The following RASSF8 variants were observed in gnomAD, a reference collection of about 807,000 sequenced individuals.
The protein encoded by RASSF8 is ras association domain-containing protein 8.
RASSF8 carries 22 observed loss-of-function variants against 48.5 expected under a neutral mutation model. That is an observed-to-expected ratio of 0.45 (90% CI 0.32 to 0.65). The LOEUF (loss-of-function observed/expected upper bound fraction) is 0.65, where lower values mean the gene tolerates loss of function less well. Among genes scored for constraint, RASSF8 ranks in the 30% least tolerant of loss-of-function variants. The probability of loss-of-function intolerance (pLI) is 0.03; values close to 1 mark genes in which losing one functional copy is unlikely to be tolerated. For missense variants in RASSF8, 418 were observed against 489.2 expected, an observed-to-expected ratio of 0.85 and a Z score of 1.37; for synonymous variants, 127 against 171.5, an observed-to-expected ratio of 0.74 and a Z score of 2.03.
chr12:26,046,094 A>G (rs1943367589), intron 2 of RASSF8, among the ~76,000 whole-genome samples: 1 of 152,234 alleles, frequency 6.6e-6, no homozygotes, highest in African/African-American at 2.4e-5. Context: ...TGGAAGGAGC[A>G]GTTTTCACCA....
chr12:26,023,829 A>G (rs1236576531), intron 2 of RASSF8, among the ~76,000 whole-genome samples: 2 of 152,234 alleles, frequency 1.3e-5, no homozygotes, highest in Non-Finnish European at 2.9e-5. Flanking sequence ...GAGATGTAAT[A>G]TATTTCATAA....
intron 1 of RASSF8, among the ~76,000 whole-genome samples, chr12:25,968,893 G>C (rs530937979): frequency 6.6e-6 from 1 of 152,344 alleles, no homozygotes; most frequent in South Asian, 2.1e-4. Context: ...TTTGATATTG[G>C]ATGGATAGGA....
intron 3 of RASSF8, among the ~76,000 whole-genome samples, chr12:26,061,930 A>C (rs1352453961): frequency 1.3e-5 from 2 of 152,228 alleles, no homozygotes; most frequent in South Asian, 4.1e-4. Context: ...AGTAAAAGCA[A>C]TTCTAAATAA....
At chr12:26,014,977 G>A (rs563109735) in intron 2 of RASSF8, among the ~76,000 whole-genome samples, 1 of 152,138 alleles carries the variant, frequency 6.6e-6, no homozygotes, top group South Asian at 2.1e-4. Flanking sequence ...AGGCCAAGGT[G>A]GGAGGATCGC....
chr12:26,047,219 A>T (rs923833516), intron 2 of RASSF8, among the ~76,000 whole-genome samples: 1 of 152,146 alleles, frequency 6.6e-6, no homozygotes, highest in Non-Finnish European at 1.5e-5. Flanking sequence ...GCCCAATGGT[A>T]TATTATTTTT....
intron 2 of RASSF8, among the ~76,000 whole-genome samples, chr12:26,035,881 A>G (rs1943138730): frequency 6.9e-6 from 1 of 144,978 alleles, no homozygotes; most frequent in South Asian, 2.1e-4. Flanking sequence ...TATATTATAT[A>G]TTATATATAA....
At position 26,026,643 on chromosome 12, in the gene RASSF8, C is replaced by T. The variant is rs543247453; in HGVS notation, c.-108-28593C>T. On this transcript the variant is annotated intron_variant, in intron 2 of 5. Transcript: ENST00000689635. ...TTGGGACAGGGTTTCACCATGTTGCCCAGGCTGGTCTTGAACTCTTGACCT... is the reference window on the plus strand; with the variant it reads ...TTGGGACAGGGTTTCACCATGTTGCTCAGGCTGGTCTTGAACTCTTGACCT... Among the ~76,000 whole-genome samples the T allele has an allele frequency of 1.3e-5, 2 of 152,142 alleles. 1 individual carries two copies. The highest frequency in any genetic ancestry group is 4.8e-5 in the African/African-American group (2 of 41,476).
In RASSF8 at chr12:26,065,263, A is replaced by G; in HGVS notation, c.869A>G (p.Glu290Gly). 6.2e-7 allele frequency: 1 copy of G among 1,614,194 alleles called. No individual in the cohort carries two copies. The highest frequency in any genetic ancestry group is 8.5e-7 in the Non-Finnish European group (1 of 1,180,022). Residue 290 changes from glutamate to glycine, a missense_variant, in exon 4 of 6, where the codon GAG (glutamate) becomes GGG (glycine). Coordinates refer to ENST00000689635, the MANE Select transcript of RASSF8 (RefSeq NM_001394098.1). ...CAAGAGGCACAGGTCAATGAGGAAG[A>G]GGTTAAAGGAAAGATCGGTAAGGTC... The part of the protein sequence containing the change: ...EVQEAQVNEE[E>G]VKGKIGKVKG...
chr12:25,978,937 TAGAATACCAGATCTGG>T (rs1941673717), intron 1 of RASSF8, among the ~76,000 whole-genome samples: 1 of 152,116 alleles, frequency 6.6e-6, no homozygotes, highest in Non-Finnish European at 1.5e-5. Flanking sequence ...TAATAGCTAA[TAGAATACCAGATCTGG>T]AGAGACAGCA....
At chr12:25,995,473 A>G (rs1173653076) in intron 2 of RASSF8, among the ~76,000 whole-genome samples, 1 of 152,194 alleles carries the variant, frequency 6.6e-6, no homozygotes, top group Non-Finnish European at 1.5e-5. Context: ...TATTCTACTA[A>G]TGCTATAAAT....
At chr12:26,065,997 G>T (rs375960730) in intron 4 of RASSF8, among the ~76,000 whole-genome samples, 18 of 152,104 alleles carry the variant, frequency 1.2e-4, no homozygotes, top group African/African-American at 4.3e-4. Flanking sequence ...ATTATGTTGC[G>T]GAAGTTGCAA....
chr12:25,977,034 C>T lies in RASSF8; in HGVS notation c.-203+17886C>T, dbSNP rs77470591. On this transcript the variant is annotated intron_variant, in intron 1 of 5. Coordinates refer to ENST00000689635, the MANE Select transcript of RASSF8 (RefSeq NM_001394098.1). ...GTAGTCTTTCAGCCACTTTTGTATCCATTATCTAATTTGATTATTAACAGT... is the reference window on the plus strand; with the variant it reads ...GTAGTCTTTCAGCCACTTTTGTATCTATTATCTAATTTGATTATTAACAGT... 3.7e-4 allele frequency among the ~76,000 whole-genome samples: 56 copies of T among 152,232 alleles called. No homozygotes were observed. The East Asian group carries it at 0.011, about 29-fold the overall frequency.
rs145358914 is a variant in RASSF8, at chr12:26,065,057, G to A, written c.663G>A (p.Glu221=). The change falls in exon 4 of 6, where the codon GAG becomes GAA. Residue 221 remains glutamate, a synonymous_variant. Coordinates refer to ENST00000689635, the MANE Select transcript of RASSF8 (RefSeq NM_001394098.1). ...TCAAAAGAAACGATGTAGAAATTGA[G>A]GAGGAAGAATTCTGGGAAAATGAAT... ...QKIKRNDVEI[E]EEEFWENELQ... is the part of the protein sequence containing the mutation. The A allele has an allele frequency of 4.5e-4, 728 of 1,613,616 alleles. 2 individuals are homozygous for A. Among genetic ancestry groups the A allele is most frequent in the Middle Eastern group, 2.1e-3 (13 of 6,084 alleles).
chr12:25,971,021 C>T (rs1941472773), intron 1 of RASSF8, among the ~76,000 whole-genome samples: 1 of 152,206 alleles, frequency 6.6e-6, no homozygotes, highest in Non-Finnish European at 1.5e-5. Flanking sequence ...TATTCCTTTG[C>T]TGTAATTTTA....
At chr12:26,076,272 T>A (rs1023971382), downstream of RASSF8, among the ~76,000 whole-genome samples, 10 of 150,770 alleles carry the variant, frequency 6.6e-5, no homozygotes, top group East Asian at 1.9e-4. Context: ...TTTTTTTTTT[T>A]AATTATACTT....
chr12:26,011,747 G>A (rs1456071432), intron 2 of RASSF8: 1 of 152,154 alleles, frequency 6.6e-6, no homozygotes, highest in African/African-American at 2.4e-5. Flanking sequence ...CACTATCAGC[G>A]AACCAGAAAG....
intron 2 of RASSF8, among the ~76,000 whole-genome samples, chr12:26,009,468 T>C (rs759520762): frequency 1.3e-5 from 2 of 152,188 alleles, no homozygotes; most frequent in Admixed American, 6.5e-5. Flanking sequence ...CTGGGCATCC[T>C]GTAGTGCACA....
In RASSF8 at chr12:26,070,060, G is replaced by C. The variant is rs1408836298; in HGVS notation, c.*1242G>C. ...AACTAAGATTTACAAGTAATATTTA[G>C]ACAGATTCAGTCAGACACCACTTAG... On this transcript the variant is annotated 3_prime_UTR_variant, in exon 6 of 6. Transcript: ENST00000689635. 1 of 983,292 alleles carries C rather than the reference G, an allele frequency of 1.0e-6. No individual in the cohort carries two copies. The highest frequency in any genetic ancestry group is 1.2e-6 in the Non-Finnish European group (1 of 828,164). 60.9% of individuals were successfully genotyped at this position (983,292 alleles called of 1,614,324 possible).
chr12:25,981,079 A>G (rs1941731072), intron 1 of RASSF8, among the ~76,000 whole-genome samples: 1 of 152,058 alleles, frequency 6.6e-6, no homozygotes, highest in Admixed American at 6.6e-5. Flanking sequence ...GGTTTGCTGG[A>G]TTGGTCCTGG....
Sources: gnomAD v4.1 joint callset for allele counts (sites outside exome capture counted in the v4.1 genomes callset) on GRCh38, gnomAD v4.1.1 for gene constraint, MANE v1.5 for transcripts, NCBI Gene and HGNC (gene_info 2026-07-23, HGNC 2026-07-21) for gene names.